Variants in AGBL1 observed in about 807,000 individuals in gnomAD.
AGBL1 encodes the protein cytosolic carboxypeptidase 4.
Under a neutral mutation model 118.9 loss-of-function variants are expected in AGBL1, and 130 were observed. The ratio of observed to expected loss-of-function variants is 1.09; its 90% CI spans 0.95 to 1.26. AGBL1 has a LOEUF of 1.26. Ranked by LOEUF, AGBL1 falls within the 50% of genes most tolerant of loss-of-function variation. AGBL1 has a pLI of 0.00. For synonymous variants in AGBL1, 555 were observed against 478.9 expected, an observed-to-expected ratio of 1.16 and a Z score of -2.08; for missense variants, 1,584 against 1,298.1, an observed-to-expected ratio of 1.22 and a Z score of -3.38.
chr15:86,180,351 G>A (rs1439297857), intron 5 of AGBL1, among the ~76,000 whole-genome samples: 1 of 152,024 alleles, frequency 6.6e-6, no homozygotes, highest in East Asian at 1.9e-4. Context: ...ATAGATTAAT[G>A]GAACAGTATA....
At chr15:86,587,957 A>G (rs890933167) in intron 21 of AGBL1, among the ~76,000 whole-genome samples, 4 of 152,150 alleles carry the variant, frequency 2.6e-5, no homozygotes, top group South Asian at 2.1e-4. Flanking sequence ...TTAGACCCCA[A>G]CCTGTCTCTG....
intron 17 of AGBL1, among the ~76,000 whole-genome samples, chr15:86,372,878 C>G (rs892746560): frequency 2.0e-5 from 3 of 151,876 alleles, no homozygotes; most frequent in African/African-American, 7.3e-5. Context: ...CCCACCCTTG[C>G]TGCCCCTACA....
intron 17 of AGBL1, among the ~76,000 whole-genome samples, chr15:86,366,736 C>T (rs544142113): frequency 2.0e-5 from 3 of 152,272 alleles, no homozygotes; most frequent in East Asian, 3.9e-4. Context: ...GTCCAGACTC[C>T]CAAATCCTGG....
At chr15:86,377,813 C>G (rs2081060457) in intron 17 of AGBL1, among the ~76,000 whole-genome samples, 1 of 152,110 alleles carries the variant, frequency 6.6e-6, no homozygotes, top group Non-Finnish European at 1.5e-5. Flanking sequence ...TGGAGGTCAT[C>G]TTTGATTTCT....
intron 21 of AGBL1, among the ~76,000 whole-genome samples, chr15:86,637,448 C>T (rs954463170): frequency 2.6e-5 from 4 of 151,830 alleles, no homozygotes; most frequent in Non-Finnish European, 4.4e-5. Flanking sequence ...TGAATGAGGC[C>T]GGGTTATAGT....
Position 86,886,499 on chromosome 15 carries a change from C to A in AGBL1, c.3159-20588C>A, listed in dbSNP as rs2079972962. Among the ~76,000 whole-genome samples, 3 of 152,026 alleles carry A rather than the reference C, an allele frequency of 2.0e-5. No individual in the cohort carries two copies. In the South Asian group the frequency reaches 6.2e-4, roughly 32 times the overall value. On this transcript the variant is annotated intron_variant, in intron 22 of 22. Coordinates refer to ENST00000614907, the MANE Select transcript of AGBL1 (RefSeq NM_001386094.1). ...AAGTTTAAAGAAGAGAATTATTCTG[C>A]CTTTCTTTAATTAGCATTTGTTTTG...
At chr15:86,748,774 C>T (rs1414525122) in intron 22 of AGBL1, among the ~76,000 whole-genome samples, 2 of 151,856 alleles carry the variant, frequency 1.3e-5, no homozygotes, top group Non-Finnish European at 2.9e-5. Context: ...GGAATCCTTT[C>T]CCCATATCTT....
At chr15:86,483,302 T>C (rs1374305614) in intron 18 of AGBL1, among the ~76,000 whole-genome samples, 1 of 152,038 alleles carries the variant, frequency 6.6e-6, no homozygotes, top group African/African-American at 2.4e-5. Flanking sequence ...CAGCAAGGAA[T>C]GCTAGTTGGT....
chr15:86,206,756 A>G lies in AGBL1; in HGVS notation c.489-18158A>G, dbSNP rs576985480. Among the ~76,000 whole-genome samples the G allele has an allele frequency of 3.0e-3, 455 of 152,256 alleles. 2 individuals carry two copies. Among genetic ancestry groups the G allele is most frequent in the Non-Finnish European group, 5.6e-3 (380 of 68,024 alleles). Reference sequence around the variant, plus strand: ...TTGCAAAAATTTTCTCCCATTCTGTAGGTTGCCTGTTCACTCTGATGGTAG... The same window carrying G: ...TTGCAAAAATTTTCTCCCATTCTGTGGGTTGCCTGTTCACTCTGATGGTAG... On this transcript the variant is annotated intron_variant, in intron 5 of 22. Coordinates refer to ENST00000614907, the MANE Select transcript of AGBL1 (RefSeq NM_001386094.1).
intron 19 of AGBL1, among the ~76,000 whole-genome samples, chr15:86,533,728 A>G (rs1196403156): frequency 3.4e-5 from 4 of 116,066 alleles, no homozygotes; most frequent in African/African-American, 1.4e-4. Flanking sequence ...TCCAACAATG[A>G]TAGACTGGAT....
chr15:86,526,728 C>G (rs2083272034), intron 19 of AGBL1, among the ~76,000 whole-genome samples: 1 of 151,702 alleles, frequency 6.6e-6, no homozygotes. Context: ...TTGAATGGAA[C>G]TGGAGGCCAT....
chr15:86,235,237 T>G (rs2078520601), intron 6 of AGBL1, among the ~76,000 whole-genome samples: 1 of 152,266 alleles, frequency 6.6e-6, no homozygotes, highest in Non-Finnish European at 1.5e-5. Context: ...TTATTCATTC[T>G]TCCTTATTTC....
At chr15:86,234,195 G>A (rs2078500535) in intron 6 of AGBL1, among the ~76,000 whole-genome samples, 2 of 152,024 alleles carry the variant, frequency 1.3e-5, no homozygotes, top group African/African-American at 4.8e-5. Context: ...GCTCAAGGTG[G>A]CTTGGTGGCA....
intron 22 of AGBL1, among the ~76,000 whole-genome samples, chr15:86,745,597 A>G (rs1264531897): frequency 6.6e-6 from 1 of 151,982 alleles, no homozygotes; most frequent in East Asian, 1.9e-4. Flanking sequence ...GGCATTTTCA[A>G]ATACTACGTG....
chr15:86,108,202 TGAG>T (rs1350127444), intron 1 of AGBL1, among the ~76,000 whole-genome samples: 2 of 152,232 alleles, frequency 1.3e-5, no homozygotes, highest in Non-Finnish European at 2.9e-5. Context: ...GCAGCTCTCT[TGAG>T]GAGAGATTTA....
intron 21 of AGBL1, among the ~76,000 whole-genome samples, chr15:86,568,867 G>A (rs1013093979): frequency 1.3e-5 from 2 of 152,126 alleles, no homozygotes; most frequent in Middle Eastern, 3.2e-3. Flanking sequence ...TTCTGTTAAG[G>A]CAAGGACATT....
intron 16 of AGBL1, among the ~76,000 whole-genome samples, chr15:86,293,880 C>A (rs2079589067): frequency 6.6e-6 from 1 of 152,092 alleles, no homozygotes; most frequent in South Asian, 2.1e-4. Context: ...CCTTGGCCCT[C>A]TTAATACCTC....
At chr15:86,166,440 G>T (rs1359933678) in intron 5 of AGBL1, among the ~76,000 whole-genome samples, 9 of 152,156 alleles carry the variant, frequency 5.9e-5, no homozygotes, top group Admixed American at 5.9e-4. Flanking sequence ...AGCAGACAGG[G>T]CCTCTGCTTT....
intron 16 of AGBL1, among the ~76,000 whole-genome samples, chr15:86,293,411 T>C (rs934478359): frequency 6.6e-6 from 1 of 152,186 alleles, no homozygotes; most frequent in African/African-American, 2.4e-5. Context: ...CCTTGGCTGG[T>C]GATGCCTTTC....
Sources: allele counts gnomAD v4.1 joint callset (sites outside exome capture counted in the v4.1 genomes callset), GRCh38; gene constraint gnomAD v4.1.1; transcripts MANE v1.5; gene names NCBI Gene and HGNC (gene_info 2026-07-23, HGNC 2026-07-21).